DKC1: variants seen among roughly 807,000 people sequenced by gnomAD.
DKC1 encodes H/ACA ribonucleoprotein complex subunit DKC1.
In DKC1, 4 loss-of-function variants were observed where a neutral mutation model predicts 46.7. The observed-to-expected ratio is 0.09, with a 90% CI of 0.04 to 0.20. The LOEUF is 0.20. Among genes scored for constraint, DKC1 ranks in the 10% least tolerant of loss-of-function variants. DKC1 has a pLI of 1.00. For missense variants in DKC1, 171 were observed against 404.2 expected (o/e 0.42, Z 4.95); for synonymous variants, 141 against 142.4 (o/e 0.99, Z 0.07).
chrX:154,766,041 G>C, intron 4 of DKC1, 43 bp downstream of exon 4: 1 of 1,100,322 alleles, frequency 9.1e-7, no homozygotes, highest in Non-Finnish European at 1.3e-6. Flanking sequence ...ACTTTCTTTT[G>C]AAAATGCTTT....
chrX:154,765,854 T>C (rs1557264088), intron 3 of DKC1, 53 bp from the exon 4 acceptor site: 19 of 980,223 alleles, frequency 1.9e-5, no homozygotes, highest in African/African-American at 3.8e-5. Flanking sequence ...ACTCTTTTTT[T>C]ACATGTGCTC....
chrX:154,769,779 T>C (rs782382728), intron 9 of DKC1, among the ~76,000 whole-genome samples: 1 of 112,756 alleles, frequency 8.9e-6, no homozygotes, highest in Non-Finnish European at 1.9e-5. Flanking sequence ...TAATAAATAC[T>C]GAAAGATGGC....
chrX:154,763,871 A>C (rs926363503), intron 1 of DKC1, among the ~76,000 whole-genome samples: 52 of 112,035 alleles, frequency 4.6e-4, no homozygotes, highest in African/African-American at 1.6e-3. Context: ...GAAAAAGGAC[A>C]GTAAAAATAT....
At chrX:154,767,638 G>A (rs911044355) in intron 7 of DKC1, among the ~76,000 whole-genome samples, 5 of 110,913 alleles carry the variant, frequency 4.5e-5, no homozygotes, top group African/African-American at 1.3e-4. Flanking sequence ...TGTGTAGTTC[G>A]GTGCTTTGTT....
intron 11 of DKC1, among the ~76,000 whole-genome samples, 162 bp downstream of exon 11, chrX:154,773,411 C>T (rs1009606553): frequency 2.6e-4 from 27 of 104,563 alleles, no homozygotes; most frequent in Non-Finnish European, 4.5e-4. Context: ...AACAAGTGAA[C>T]AAAGGTCTCT....
Position 154,768,345 on chromosome X carries a change from A to T in DKC1, c.684A>T (p.Thr228=). The T allele has an allele frequency of 2.5e-6, 3 of 1,211,240 alleles. No homozygotes were observed. The highest frequency in any genetic ancestry group is 3.4e-6 in the Non-Finnish European group (3 of 895,338). ...GTGAGGCTGGCACCTACATTCGGAC[A>T]TTATGTGTGCACCTTGGTTTGTTAT... ...VSCEAGTYIR[T]LCVHLGLLLG... Residue 228 remains threonine (T), a synonymous_variant, in exon 8 of 15, where the codon ACA becomes ACT. Transcript: ENST00000369550.
At chrX:154,776,350 T>C (rs782274268) in intron 14 of DKC1, 26 bp downstream of exon 14, 2 of 1,172,775 alleles carry the variant, frequency 1.7e-6, no homozygotes, top group East Asian at 6.4e-5. Context: ...TTCAGGTTCC[T>C]TGGGCTGGCT....
chrX:154,767,535 G>A (rs1027715502), intron 7 of DKC1, among the ~76,000 whole-genome samples, 153 bp downstream of exon 7: 2 of 112,167 alleles, frequency 1.8e-5, no homozygotes, highest in African/African-American at 6.5e-5. Context: ...ATCTTTTGTT[G>A]AAAAAGTGAA....
At position 154,777,036 on chromosome X, in the gene DKC1, C is replaced by G; in HGVS notation, c.*169C>G. ...GGTGATGTTACCTGGTGTGGTCATC[C>G]CATCTTGTCCTGTTTTAAGGATATG... is the stretch of plus-strand genomic sequence containing the variant. On this transcript the variant is annotated 3_prime_UTR_variant, in exon 15 of 15. Coordinates refer to ENST00000369550, the MANE Select transcript of DKC1 (RefSeq NM_001363.5). The G allele has an allele frequency of 2.5e-6, 1 of 401,743 alleles. No homozygotes were observed. Among genetic ancestry groups the G allele is most frequent in the South Asian group, 3.2e-5 (1 of 30,836 alleles). The allele number at this position is 401,743 out of a possible 1,213,427, so 33.1% of individuals were successfully genotyped here.
chrX:154,765,598 G>T, intron 3 of DKC1, 68 bp downstream of exon 3: 1 of 848,583 alleles, frequency 1.2e-6, no homozygotes, highest in East Asian at 3.1e-5. Flanking sequence ...TTAAACAATT[G>T]ATTGAGAATG....
At chrX:154,764,156 C>CA (rs781917288) in intron 1 of DKC1, among the ~76,000 whole-genome samples, 65 of 84,812 alleles carry the variant, frequency 7.7e-4, no homozygotes, top group South Asian at 1.1e-3. Context: ...GTGACCGTCT[C>CA]AAAAAAAAAA....
Position 154,769,202 on chromosome X carries a change from T to C in DKC1, c.807T>C (p.Ala269=). Residue 269 remains alanine, a synonymous_variant, in exon 9 of 15, where the codon GCT becomes GCC. Transcript: ENST00000369550. ...TGACAATGCATGATGTGCTTGATGC[T>C]CAGTGGCTGTATGATAACCACAAGG... is the stretch of plus-strand genomic sequence containing the variant. The part of the protein sequence containing the change: ...HMVTMHDVLD[A]QWLYDNHKDE... 1 of 1,210,897 alleles carries C rather than the reference T, an allele frequency of 8.3e-7. No homozygotes were observed. The highest frequency in any genetic ancestry group is 1.1e-6 in the Non-Finnish European group (1 of 894,890).
In DKC1 at chrX:154,768,381, T is replaced by C; in HGVS notation, c.720T>C (p.Gly240=). 8.3e-7 allele frequency: 1 copy of C among 1,211,578 alleles called. No homozygotes were observed. Among genetic ancestry groups the C allele is most frequent in the Non-Finnish European group, 1.1e-6 (1 of 895,414 alleles). The change falls in exon 8 of 15, where the codon GGT becomes GGC. Residue 240 remains glycine, a synonymous_variant. Transcript: ENST00000369550. The part of the protein sequence containing the change: ...CVHLGLLLGV[G]GQMQELRRVR... ...ACCTTGGTTTGTTATTGGGAGTTGG[T>C]GGTCAGATGCAGGAGCTTCGGAGGG...
intron 7 of DKC1, chrX:154,768,061 A>G: frequency 2.7e-6 from 1 of 373,724 alleles, no homozygotes; most frequent in Non-Finnish European, 4.8e-6. Flanking sequence ...CATGTTAGCC[A>G]GGATGGTCTT....
rs1557265697 is a variant in DKC1 at position 154,776,305 on chromosome X, G to A, written c.1457G>A (p.Gly486Glu). The A allele has an allele frequency of 2.5e-6, 3 of 1,199,265 alleles. No individual in the cohort carries two copies. The highest frequency in any genetic ancestry group is 3.4e-6 in the Non-Finnish European group (3 of 888,594). The change falls in exon 14 of 15, where the codon GGG becomes GAG. Residue 486 changes from glycine (G) to glutamate (E), a missense_variant. Transcript: ENST00000369550. ...AAGGCCAAAGCTGGTCTGGAGAGCG[G>A]GGCCGAGCCTGGAGATGGGGTGTGT... ...DKKAKAGLES[G>E]AEPGDGDSDT...
intron 14 of DKC1, among the ~76,000 whole-genome samples, chrX:154,776,565 G>A (rs950060910): frequency 1.8e-5 from 2 of 112,093 alleles, no homozygotes; most frequent in Admixed American, 1.9e-4. Flanking sequence ...GATGGTGGGT[G>A]GAGAGGATGT....
chrX:154,773,856 C>A (rs2071858323), intron 11 of DKC1, among the ~76,000 whole-genome samples: 1 of 112,177 alleles, frequency 8.9e-6, no homozygotes. Flanking sequence ...CAGAGGGGCT[C>A]CTCACTTCCC....
intron 8 of DKC1, chrX:154,768,715 G>T: frequency 5.0e-6 from 2 of 397,835 alleles, no homozygotes; most frequent in Non-Finnish European, 4.6e-6. Context: ...AGAGGGCGCG[G>T]TGGCTCACGC....
chrX:154,764,468 A>G (rs1438106422), intron 1 of DKC1, among the ~76,000 whole-genome samples: 2 of 111,656 alleles, frequency 1.8e-5, no homozygotes, highest in Non-Finnish European at 3.8e-5. Flanking sequence ...CTGTAACTTT[A>G]TAAACTTTTT....
Sources: allele counts gnomAD v4.1 joint callset (sites outside exome capture counted in the v4.1 genomes callset), GRCh38; gene constraint gnomAD v4.1.1; transcripts MANE v1.5; gene names NCBI Gene and HGNC (gene_info 2026-07-23, HGNC 2026-07-21).